The following PCDHA2 variants were observed in gnomAD, a reference collection of about 807,000 sequenced individuals.
The protein encoded by PCDHA2 is protocadherin alpha-2.
Under a neutral mutation model 66.0 loss-of-function variants are expected in PCDHA2, and 58 were observed. That is an observed-to-expected ratio of 0.88 (90% CI 0.71 to 1.09). The LOEUF is 1.09. Ranked by LOEUF, PCDHA2 falls within the 50% of genes least tolerant of loss-of-function variation. The pLI is 0.00. For synonymous variants in PCDHA2, 634 were observed against 554.0 expected, an observed-to-expected ratio of 1.14 and a Z score of -2.03; for missense variants, 1,267 against 1,242.3, an observed-to-expected ratio of 1.02 and a Z score of -0.30.
At position 140,967,913 on chromosome 5, in the gene PCDHA2, A is replaced by G. The variant is rs548732358; in HGVS notation, c.2389-11036A>G. 3.7e-6 allele frequency: 6 copies of G among 1,614,184 alleles called. No homozygotes were observed. The highest frequency in any genetic ancestry group is 1.3e-5 in the African/African-American group (1 of 75,042). ...GCCTGAGAATGCTACACCCAACACC[A>G]TTGTGGCCGTTCTCAGTGTCAATGA... On this transcript the variant is annotated intron_variant, in intron 1 of 3. Transcript: ENST00000526136.
chr5:140,934,000 A>G (rs2089557025), intron 1 of PCDHA2, among the ~76,000 whole-genome samples: 1 of 151,350 alleles, frequency 6.6e-6, no homozygotes, highest in Non-Finnish European at 1.5e-5. Context: ...GTCACCTCTC[A>G]TTTTTCTTGA....
At chr5:140,835,959 G>T (rs1162944895) in intron 1 of PCDHA2, 12 of 1,612,958 alleles carry the variant, frequency 7.4e-6, no homozygotes, top group Non-Finnish European at 9.3e-6. Context: ...GTTGGACCAC[G>T]AGGAGCTGGA....
At chr5:140,995,698 G>A (rs963042409) in intron 3 of PCDHA2, among the ~76,000 whole-genome samples, 2 of 152,104 alleles carry the variant, frequency 1.3e-5, no homozygotes, top group African/African-American at 2.4e-5. Flanking sequence ...TTAAATAAAG[G>A]GCTGGGCTTG....
Position 141,010,190 on chromosome 5 carries a change from C to G in PCDHA2, c.*253C>G. On this transcript the variant is annotated 3_prime_UTR_variant, in exon 4 of 4. Transcript: ENST00000526136. ...GAACCTAAAAAGCAGACCCAAGTTT[C>G]CTTTCTCCTCCGCCGCAAAGGAGAG... 1 of 1,552,504 alleles carries G rather than the reference C, an allele frequency of 6.4e-7. No individual in the cohort carries two copies. Among genetic ancestry groups the G allele is most frequent in the East Asian group, 2.4e-5 (1 of 40,930 alleles).
intron 1 of PCDHA2, chr5:140,860,221 A>G (rs545032981): frequency 3.3e-5 from 5 of 149,836 alleles, no homozygotes; most frequent in Non-Finnish European, 7.4e-5. Flanking sequence ...ACTTATGTAT[A>G]TATAAGCCAG....
At chr5:140,830,533 A>G in intron 1 of PCDHA2, 1 of 1,268,354 alleles carries the variant, frequency 7.9e-7, no homozygotes, top group South Asian at 2.0e-5. Flanking sequence ...TTAAATTTAT[A>G]ATTGTTTTCC....
At chr5:140,888,159 C>T (rs1468895090) in intron 1 of PCDHA2, among the ~76,000 whole-genome samples, 1 of 152,080 alleles carries the variant, frequency 6.6e-6, no homozygotes, top group Non-Finnish European at 1.5e-5. Flanking sequence ...GACTGGTAAT[C>T]TCTAATAAGA....
At chr5:140,903,545 C>T (rs1562939927) in intron 1 of PCDHA2, among the ~76,000 whole-genome samples, 3 of 152,130 alleles carry the variant, frequency 2.0e-5, no homozygotes, top group Non-Finnish European at 4.4e-5. Context: ...GAGCAAGAAA[C>T]TTTTCTAATA....
At chr5:140,966,808 A>G (rs782040625) in intron 1 of PCDHA2, 5 of 1,548,024 alleles carry the variant, frequency 3.2e-6, no homozygotes, top group Non-Finnish European at 4.3e-6. Context: ...CAGAGCATCC[A>G]CGGCTCCGGC....
chr5:140,837,818 A>C (rs1775271725), intron 1 of PCDHA2, among the ~76,000 whole-genome samples: 1 of 151,624 alleles, frequency 6.6e-6, no homozygotes, highest in Admixed American at 6.6e-5. Flanking sequence ...CTGGGAATAC[A>C]GTTTGCATGT....
intron 1 of PCDHA2, chr5:140,824,613 T>G (rs2150135579): frequency 6.5e-5 from 8 of 122,680 alleles, no homozygotes; most frequent in Middle Eastern, 3.6e-3. Flanking sequence ...AATTAAAGTT[T>G]TTTTTTTTTT....
rs2150419766 is a variant in PCDHA2, at chr5:140,848,766, G to C, written c.2388+51414G>C. On this transcript the variant is annotated intron_variant, in intron 1 of 3. Coordinates refer to ENST00000526136, the MANE Select transcript of PCDHA2 (RefSeq NM_018905.3). The stretch of plus-strand genomic sequence containing the variant: ...CATTTTGTTTGTGAATTCTCGGATC[G>C]ACCGCGAGGAGCTGTGCGGGCGGAG... The C allele has an allele frequency of 6.3e-7, 1 of 1,593,418 alleles. No individual in the cohort carries two copies. The highest frequency in any genetic ancestry group is 8.6e-7 in the Non-Finnish European group (1 of 1,164,090).
At chr5:140,802,435 T>C in intron 1 of PCDHA2, 1 of 1,614,234 alleles carries the variant, frequency 6.2e-7, no homozygotes, top group Non-Finnish European at 8.5e-7. Context: ...GACAGCCCTC[T>C]GGACCGCGAG....
chr5:140,941,202 C>CCTTCCTTT (rs1554213920), intron 1 of PCDHA2, among the ~76,000 whole-genome samples: 107 of 122,824 alleles, frequency 8.7e-4, no homozygotes, highest in Admixed American at 4.2e-3. Flanking sequence ...TTTCTTTCTT[C>CCTTCCTTT]CTTTCTTTCT....
chr5:140,866,180 T>C (rs2049194377), intron 1 of PCDHA2: 1 of 152,136 alleles, frequency 6.6e-6, no homozygotes, highest in African/African-American at 2.4e-5. Context: ...GTAAGAAAAG[T>C]CAGAAAACTG....
chr5:140,927,870 G>A (rs1302526715), intron 1 of PCDHA2: 1 of 1,614,100 alleles, frequency 6.2e-7, no homozygotes. Context: ...CCGCTAAACT[G>A]CTGGTGGAGG....
chr5:140,903,014 A>G (rs551984849), intron 1 of PCDHA2, among the ~76,000 whole-genome samples: 1 of 152,322 alleles, frequency 6.6e-6, no homozygotes, highest in African/African-American at 2.4e-5. Context: ...TTGTGCTGCT[A>G]TCAACATGGC....
intron 1 of PCDHA2, chr5:140,806,858 A>G: frequency 3.1e-6 from 1 of 327,838 alleles, no homozygotes; most frequent in Non-Finnish European, 5.6e-6. Context: ...AATCAGTGGT[A>G]CAATGTGTAC....
intron 1 of PCDHA2, among the ~76,000 whole-genome samples, chr5:140,918,244 T>C (rs1554198493): frequency 6.6e-6 from 1 of 152,236 alleles, no homozygotes; most frequent in South Asian, 2.1e-4. Flanking sequence ...TGATTTTGTA[T>C]GCTGAAACTT....
Sources: allele counts gnomAD v4.1 joint callset (sites outside exome capture counted in the v4.1 genomes callset), GRCh38; gene constraint gnomAD v4.1.1; transcripts MANE v1.5; gene names NCBI Gene and HGNC (gene_info 2026-07-23, HGNC 2026-07-21).